PIK3CA: variants seen among roughly 807,000 people sequenced by gnomAD.
PIK3CA encodes the protein phosphatidylinositol 4,5-bisphosphate 3-kinase catalytic subunit alpha isoform.
A neutral mutation model predicts 138.2 loss-of-function variants in PIK3CA; 27 were observed. That is an observed-to-expected ratio of 0.20 (90% CI 0.14 to 0.27). The LOEUF (loss-of-function observed/expected upper bound fraction) is 0.27. Among genes scored for constraint, PIK3CA ranks in the 10% least tolerant of loss-of-function variants. The probability of loss-of-function intolerance (pLI) is 1.00; values close to 1 mark genes in which losing one functional copy is unlikely to be tolerated. For missense variants in PIK3CA, 544 were observed against 1,277.4 expected, an observed-to-expected ratio of 0.43 and a Z score of 8.75; for synonymous variants, 358 against 413.2, an observed-to-expected ratio of 0.87 and a Z score of 1.62.
chr3:179,152,138 A>G (rs547636229), intron 1 of PIK3CA, among the ~76,000 whole-genome samples: 2 of 152,318 alleles, frequency 1.3e-5, no homozygotes, highest in South Asian at 2.1e-4. Context: ...TTCATTTAAT[A>G]TTTTTGGTCA....
chr3:179,199,979 T>C (rs1438965273), intron 3 of PIK3CA, 80 bp downstream of exon 3: 1 of 871,570 alleles, frequency 1.1e-6, no homozygotes, highest in East Asian at 2.4e-5. Context: ...ATAGTCTTTT[T>C]TTTTTTTTCC....
At chr3:179,197,204 A>G (rs1284920610) in intron 1 of PIK3CA, among the ~76,000 whole-genome samples, 1 of 151,978 alleles carries the variant, frequency 6.6e-6, no homozygotes, top group East Asian at 1.9e-4. Context: ...ACGCCCAGCT[A>G]ACTTTTGTAT....
Position 179,199,189 on chromosome 3 carries a change from T to C in PIK3CA, c.352+12T>C. 6.7e-7 allele frequency: 1 copy of C among 1,482,508 alleles called. No homozygotes were observed. Among genetic ancestry groups the C allele is most frequent in the Non-Finnish European group, 9.1e-7 (1 of 1,099,140 alleles). 91.8% of individuals were successfully genotyped at this position (1,482,508 alleles called of 1,614,324 possible). A position where few individuals can be genotyped will look rare whatever the true frequency, so the allele number is the denominator to read the frequency against. On this transcript the variant is annotated intron_variant, in intron 2 of 20. Coordinates refer to ENST00000263967, the MANE Select transcript of PIK3CA (RefSeq NM_006218.4). ...CAATCGAGAAATTGGTATGATACAA[T>C]ATCCTATTCTAAAATGCAAATAACC...
chr3:179,224,065 C>CTTT lies in PIK3CA; in HGVS notation c.2188-9_2188-7dup. On this transcript the variant is annotated splice_polypyrimidine_tract_variant and intron_variant, in intron 14 of 20. Transcript: ENST00000263967. ...AAGTCAGTTTCTTACTGTGACTATC[C>CTTT]TTTTTTTTTAATCAGGTACAGATGA... The CTTT allele has an allele frequency of 7.2e-7, 1 of 1,382,758 alleles. No homozygotes were observed. Among genetic ancestry groups the CTTT allele is most frequent in the Non-Finnish European group, 1.0e-6 (1 of 980,868 alleles). The allele number at this position is 1,382,758 out of a possible 1,614,324, so 85.7% of individuals were successfully genotyped here. A position where few individuals can be genotyped will look rare whatever the true frequency, so the allele number is the denominator to read the frequency against.
At chr3:179,177,672 C>A (rs1486384299) in intron 1 of PIK3CA, among the ~76,000 whole-genome samples, 1 of 152,030 alleles carries the variant, frequency 6.6e-6, no homozygotes, top group African/African-American at 2.4e-5. Context: ...GAGAAAAACC[C>A]ATTCAGAAAA....
chr3:179,201,221 C>T, intron 3 of PIK3CA, 69 bp from the exon 4 acceptor site: 3 of 1,296,346 alleles, frequency 2.3e-6, no homozygotes, highest in Non-Finnish European at 3.2e-6. Context: ...ATAGTGAATA[C>T]TTGTTGAAAT....
Position 179,235,197 on chromosome 3 carries a change from A to G in PIK3CA, c.*833A>G, listed in dbSNP as rs2108431263. The G allele has an allele frequency of 5.4e-6, 1 of 185,982 alleles. No individual in the cohort carries two copies. The highest frequency in any genetic ancestry group is 6.2e-5 in the Admixed American group (1 of 16,042). The allele number at this position is 185,982 out of a possible 1,614,324, so 11.5% of individuals were successfully genotyped here. The stretch of plus-strand genomic sequence containing the variant: ...TCCAGAATTGTACAGTATTCACCTT[A>G]AGTTGATTTTTTTTCTCCTTCTGCA... On this transcript the variant is annotated 3_prime_UTR_variant, in exon 21 of 21. Coordinates refer to ENST00000263967, the MANE Select transcript of PIK3CA (RefSeq NM_006218.4).
Position 179,230,568 on chromosome 3 carries a change from A to T in PIK3CA, c.2936+192A>T, listed in dbSNP as rs1725187167. 6.6e-6 allele frequency among the ~76,000 whole-genome samples: 1 copy of T among 152,144 alleles called. No homozygotes were observed. Among genetic ancestry groups the T allele is most frequent in the Non-Finnish European group, 1.5e-5 (1 of 68,018 alleles). On this transcript the variant is annotated intron_variant, in intron 20 of 20. Coordinates refer to ENST00000263967, the MANE Select transcript of PIK3CA (RefSeq NM_006218.4). This position sits in a 1 kb window ranked among gnomAD's most constrained non-coding sequence, Gnocchi z 5.4. ...TCAGGAATTGAAACCAGCCTGGGTA[A>T]CATAGAGAGAATTCATGTCTACAAA... is the stretch of plus-strand genomic sequence containing the variant.
At position 179,201,956 on chromosome 3, in the gene PIK3CA, C is replaced by T. The variant is rs924992662; in HGVS notation, c.813+416C>T. Among the ~76,000 whole-genome samples, 18 of 151,990 alleles carry T rather than the reference C, an allele frequency of 1.2e-4. No homozygotes were observed. The East Asian group carries it at 1.6e-3, about 13-fold the overall frequency. ...CTTGATAAGTAATATTAGTAAATAG[C>T]GTTTGTAAGCTTATTCTTTTAATTC... On this transcript the variant is annotated intron_variant, in intron 4 of 20. Coordinates refer to ENST00000263967, the MANE Select transcript of PIK3CA (RefSeq NM_006218.4).
Position 179,182,732 on chromosome 3 carries a change from C to T in PIK3CA, c.-76-16018C>T, listed in dbSNP as rs117476879. 6.6e-5 allele frequency among the ~76,000 whole-genome samples: 10 copies of T among 152,130 alleles called. No individual in the cohort carries two copies. The East Asian group carries it at 1.9e-3, about 29-fold the overall frequency. On this transcript the variant is annotated intron_variant, in intron 1 of 20. Transcript: ENST00000263967. ...ATGTTGCTGCTTTTACACAGTTATA[C>T]CCATTTCAGTTTGTCATTCTCATTG...
Position 179,238,542 on chromosome 3 carries a change from CTG to C in PIK3CA, c.*4181_*4182del, listed in dbSNP as rs1452650261. The C allele has an allele frequency of 1.4e-5, 3 of 219,112 alleles. No individual in the cohort carries two copies. The highest frequency in any genetic ancestry group is 2.2e-5 in the African/African-American group (1 of 44,500). 13.6% of individuals were successfully genotyped at this position (219,112 alleles called of 1,614,324 possible). A position where few individuals can be genotyped will look rare whatever the true frequency, so the allele number is the denominator to read the frequency against. ...CAATTCAATACTTCAAGCTCAGAAA[CTG>C]TGCAGATCACTGAATTTTAGATTTA... On this transcript the variant is annotated 3_prime_UTR_variant, in exon 21 of 21. Coordinates refer to ENST00000263967, the MANE Select transcript of PIK3CA (RefSeq NM_006218.4).
chr3:179,166,783 T>A (rs910333781), intron 1 of PIK3CA, among the ~76,000 whole-genome samples: 1 of 152,194 alleles, frequency 6.6e-6, no homozygotes, highest in East Asian at 1.9e-4. Flanking sequence ...GTGTTTAGCC[T>A]TACTGTAGAC....
At chr3:179,192,498 A>G (rs1724159603) in intron 1 of PIK3CA, among the ~76,000 whole-genome samples, 1 of 152,258 alleles carries the variant, frequency 6.6e-6, no homozygotes, top group African/African-American at 2.4e-5. Context: ...TTGACACTGT[A>G]TAGGACTGTA....
chr3:179,152,472 G>T lies in PIK3CA; in HGVS notation c.-77+3869G>T, dbSNP rs138973753. ...ATCAACAGTATTGGCTTTGGAATTTGAGGCACCATGGTTCAAAACCTAGTT... is the reference window on the plus strand; with the variant it reads ...ATCAACAGTATTGGCTTTGGAATTTTAGGCACCATGGTTCAAAACCTAGTT... On this transcript the variant is annotated intron_variant, in intron 1 of 20. Coordinates refer to ENST00000263967, the MANE Select transcript of PIK3CA (RefSeq NM_006218.4). Among the ~76,000 whole-genome samples the T allele has an allele frequency of 2.7e-3, 407 of 152,248 alleles. 3 individuals carry two copies. The highest frequency in any genetic ancestry group is 8.9e-3 in the African/African-American group (370 of 41,540).
At chr3:179,193,952 A>T (rs1724198947) in intron 1 of PIK3CA, among the ~76,000 whole-genome samples, 1 of 152,066 alleles carries the variant, frequency 6.6e-6, no homozygotes, top group Non-Finnish European at 1.5e-5. Flanking sequence ...TTATCCCCCC[A>T]TTGCTTTAAA....
intron 7 of PIK3CA, 86 bp from the exon 8 acceptor site, chr3:179,210,100 T>G (rs1724669533): frequency 2.0e-6 from 2 of 1,015,346 alleles, no homozygotes; most frequent in Non-Finnish European, 2.9e-6. Flanking sequence ...TAGAGATGAT[T>G]GTTGAATTTT....
intron 1 of PIK3CA, among the ~76,000 whole-genome samples, chr3:179,172,633 G>T (rs561440642): frequency 7.9e-5 from 12 of 152,226 alleles, no homozygotes; most frequent in Admixed American, 7.8e-4. Flanking sequence ...CAGTAGTATT[G>T]CATAGCTAAA....
chr3:179,231,938 C>G (rs997426790), intron 20 of PIK3CA, among the ~76,000 whole-genome samples: 2 of 152,006 alleles, frequency 1.3e-5, no homozygotes, highest in South Asian at 4.1e-4. Context: ...CCACTGCATC[C>G]TGCTTTAACC....
chr3:179,148,595 G>C lies in PIK3CA; in HGVS notation c.-85G>C, dbSNP rs1323706141. 6.6e-6 allele frequency: 1 copy of C among 152,318 alleles called. No individual in the cohort carries two copies. Among genetic ancestry groups the C allele is most frequent in the Non-Finnish European group, 1.5e-5 (1 of 68,178 alleles). The allele number at this position is 152,318 out of a possible 1,614,324, so 9.4% of individuals were successfully genotyped here. The stretch of plus-strand genomic sequence containing the variant: ...GGTTAGAGCCGCGGAGCCTGGAAGA[G>C]CCCCGAGCGTGAGTAGAGCGCGGAC... On this transcript the variant is annotated 5_prime_UTR_variant, in exon 1 of 21. Transcript: ENST00000263967.
Sources: allele counts gnomAD v4.1 joint callset (sites outside exome capture counted in the v4.1 genomes callset), GRCh38; gene constraint gnomAD v4.1.1; non-coding constraint Gnocchi (gnomAD v3.1); transcripts MANE v1.5; gene names NCBI Gene and HGNC (gene_info 2026-07-23, HGNC 2026-07-21).